The following PSMA1 variants were observed in gnomAD, a reference collection of about 807,000 sequenced individuals.
PSMA1 encodes the protein proteasome 20S subunit alpha 1.
A neutral mutation model predicts 38.4 loss-of-function variants in PSMA1; 3 were observed. The observed-to-expected ratio is 0.08, with a 90% CI of 0.04 to 0.20. The LOEUF (loss-of-function observed/expected upper bound fraction) is 0.20. Among genes scored for constraint, PSMA1 ranks in the 10% least tolerant of loss-of-function variants. PSMA1 has a pLI of 1.00. For missense variants in PSMA1, 227 were observed against 325.3 expected, an observed-to-expected ratio of 0.70 and a Z score of 2.32; for synonymous variants, 101 against 107.1, an observed-to-expected ratio of 0.94 and a Z score of 0.35.
At chr11:14,576,462 T>G (rs1200669776) in intron 2 of PSMA1, among the ~76,000 whole-genome samples, 1 of 152,204 alleles carries the variant, frequency 6.6e-6, no homozygotes, top group African/African-American at 2.4e-5. Context: ...TTGTATAAGG[T>G]GTAAGTAAGG....
At chr11:14,589,379 GTGTGTATATATA>G (rs1852385142) in intron 2 of PSMA1, among the ~76,000 whole-genome samples, 1 of 150,750 alleles carries the variant, frequency 6.6e-6, no homozygotes, top group Non-Finnish European at 1.5e-5. Context: ...GTGTGTGTGT[GTGTGTATATATA>G]TGTGTGTGTA....
intron 1 of PSMA1, among the ~76,000 whole-genome samples, chr11:14,618,246 T>G (rs913054182): frequency 6.6e-5 from 10 of 152,358 alleles, no homozygotes; most frequent in Middle Eastern, 3.4e-3. Context: ...GTATCTCAAT[T>G]AACTATTTCC....
intron 2 of PSMA1, among the ~76,000 whole-genome samples, chr11:14,567,421 C>T (rs558154066): frequency 6.6e-6 from 1 of 152,298 alleles, no homozygotes; most frequent in South Asian, 2.1e-4. Context: ...ATGTAAATAT[C>T]TGGTATAAAG....
At chr11:14,595,994 T>C (rs1047967603) in intron 2 of PSMA1, among the ~76,000 whole-genome samples, 1 of 152,242 alleles carries the variant, frequency 6.6e-6, no homozygotes, top group Non-Finnish European at 1.5e-5. Flanking sequence ...ATTTATGAAA[T>C]AGAGAAATCC....
intron 2 of PSMA1, among the ~76,000 whole-genome samples, chr11:14,565,821 T>TG (rs1354737224): frequency 6.6e-6 from 1 of 152,218 alleles, no homozygotes; most frequent in Admixed American, 6.5e-5. Context: ...CATGGATCTG[T>TG]GGGGAACTAT....
rs766356576 is a variant in PSMA1 at position 14,505,236 on chromosome 11, C to T, written c.748G>A (p.Ala250Thr). 8.1e-6 allele frequency: 13 copies of T among 1,613,594 alleles called. No homozygotes were observed. The highest frequency in any genetic ancestry group is 1.1e-5 in the Non-Finnish European group (13 of 1,179,688). ...TCAGCCTTTTCTGCAGGTTCATCAGCAGGTTGAGCAGGCTTAACAGGGAAA... is the reference window on the plus strand; with the variant it reads ...TCAGCCTTTTCTGCAGGTTCATCAGTAGGTTGAGCAGGCTTAACAGGGAAA... ...PQRKAQPAQPADEPAEKADEP... is the reference protein window; with the variant it reads ...PQRKAQPAQPTDEPAEKADEP... The change falls in exon 10 of 10, where the codon GCT becomes ACT. Residue 250 changes from alanine (A) to threonine (T), a missense_variant. Ala to Thr is a moderately conservative substitution (Grantham distance 58). Coordinates refer to ENST00000396394, the MANE Select transcript of PSMA1 (RefSeq NM_002786.4).
intron 7 of PSMA1, chr11:14,513,368 C>T (rs1342106242): frequency 6.0e-6 from 3 of 497,266 alleles, no homozygotes; most frequent in African/African-American, 6.0e-5. Context: ...AAGTTCTACT[C>T]GTGCTTGAAA....
chr11:14,576,608 C>A (rs1589997450), intron 2 of PSMA1, among the ~76,000 whole-genome samples: 1 of 152,154 alleles, frequency 6.6e-6, no homozygotes, highest in East Asian at 1.9e-4. Context: ...GGTATTATTT[C>A]TGAGGGCTCT....
At chr11:14,514,106 T>C in intron 5 of PSMA1, 1 of 1,322,008 alleles carries the variant, frequency 7.6e-7, no homozygotes, top group African/African-American at 1.5e-5. Flanking sequence ...TCTTCCCATC[T>C]AAAACCTGAT....
intron 2 of PSMA1, among the ~76,000 whole-genome samples, chr11:14,563,775 T>C (rs923331500): frequency 1.3e-5 from 2 of 152,186 alleles, no homozygotes; most frequent in Non-Finnish European, 2.9e-5. Context: ...TCCTAAATGG[T>C]TCCCTATTTC....
chr11:14,631,252 G>A (rs974669588), intron 1 of PSMA1, among the ~76,000 whole-genome samples: 1 of 152,068 alleles, frequency 6.6e-6, no homozygotes, highest in Non-Finnish European at 1.5e-5. Context: ...TTTTAATTGT[G>A]ATGTTAGTGT....
intron 2 of PSMA1, among the ~76,000 whole-genome samples, chr11:14,567,468 C>T (rs185018090): frequency 1.3e-5 from 2 of 152,282 alleles, no homozygotes; most frequent in East Asian, 1.9e-4. Context: ...ATTTTACATG[C>T]CTTCTTTCAT....
At chr11:14,635,660 A>T (rs1016005790) in intron 1 of PSMA1, among the ~76,000 whole-genome samples, 1 of 152,246 alleles carries the variant, frequency 6.6e-6, no homozygotes, top group Non-Finnish European at 1.5e-5. Context: ...AATGTTGAAC[A>T]AGATCATTTC....
intron 2 of PSMA1, among the ~76,000 whole-genome samples, chr11:14,578,370 G>GA (rs2134182159): frequency 1.3e-5 from 2 of 152,228 alleles, no homozygotes; most frequent in Admixed American, 1.3e-4. Flanking sequence ...CCAGTTAAAT[G>GA]AAAAAAGCAT....
chr11:14,567,468 C>G (rs185018090), intron 2 of PSMA1, among the ~76,000 whole-genome samples: 1 of 152,164 alleles, frequency 6.6e-6, no homozygotes, highest in Non-Finnish European at 1.5e-5. Context: ...ATTTTACATG[C>G]CTTCTTTCAT....
intron 2 of PSMA1, among the ~76,000 whole-genome samples, chr11:14,572,740 A>G (rs1489516512): frequency 2.0e-5 from 3 of 152,192 alleles, no homozygotes; most frequent in African/African-American, 7.2e-5. Context: ...GTTTTTTGAA[A>G]AGATCAACAA....
chr11:14,582,367 C>T (rs1852291430), intron 2 of PSMA1, among the ~76,000 whole-genome samples: 1 of 152,020 alleles, frequency 6.6e-6, no homozygotes, highest in South Asian at 2.1e-4. Flanking sequence ...TCCATAACTC[C>T]CAGCACCTCC....
At chr11:14,563,025 A>G (rs149073620) in intron 2 of PSMA1, among the ~76,000 whole-genome samples, 12 of 152,280 alleles carry the variant, frequency 7.9e-5, no homozygotes, top group African/African-American at 9.6e-5. Flanking sequence ...AAAGATGGCT[A>G]TGCATCCAGT....
intron 1 of PSMA1, among the ~76,000 whole-genome samples, chr11:14,639,150 C>T (rs754963821): frequency 1.4e-4 from 22 of 152,228 alleles, no homozygotes; most frequent in Non-Finnish European, 3.1e-4. Flanking sequence ...AATTCAGGTA[C>T]TGTCACTTGA....
Sources: gnomAD v4.1 joint callset for allele counts (sites outside exome capture counted in the v4.1 genomes callset) on GRCh38, gnomAD v4.1.1 for gene constraint, MANE v1.5 for transcripts, NCBI Gene and HGNC (gene_info 2026-07-23, HGNC 2026-07-21) for gene names.